GPRIN3: variants seen among roughly 807,000 people sequenced by gnomAD.
GPRIN3 encodes the protein GPRIN family member 3.
GPRIN3 carries 12 observed loss-of-function variants against 13.7 expected under a neutral mutation model. The ratio of observed to expected loss-of-function variants is 0.87; its 90% CI spans 0.56 to 1.42. GPRIN3 has a LOEUF of 1.42. Among genes scored for constraint, GPRIN3 ranks in the 40% most tolerant of loss-of-function variants. The pLI is 0.00. For synonymous variants in GPRIN3, 377 were observed against 372.7 expected (o/e 1.01, Z -0.13); for missense variants, 1,009 against 958.7 (o/e 1.05, Z -0.69).
At chr4:89,269,867 T>C (rs1412538571) in intron 1 of GPRIN3, among the ~76,000 whole-genome samples, 3 of 152,202 alleles carry the variant, frequency 2.0e-5, no homozygotes, top group Non-Finnish European at 4.4e-5. Flanking sequence ...ACAACGGGGT[T>C]CCATCACACT....
intron 1 of GPRIN3, among the ~76,000 whole-genome samples, chr4:89,258,818 C>T (rs1723551725): frequency 6.6e-6 from 1 of 152,212 alleles, no homozygotes; most frequent in African/African-American, 2.4e-5. Context: ...TGAGCCCTGT[C>T]ACTAGCAGCC....
At position 89,250,291 on chromosome 4, in the gene GPRIN3, A is replaced by C. The variant is rs1423055954; in HGVS notation, c.-123-58T>G. ...GTACGTCGCTTAAGGATTGAAAAAT[A>C]AACCAAACTGTCGTTTTTATAAGAG... On this transcript the variant is annotated intron_variant, in intron 1 of 1. Coordinates refer to ENST00000609438, the MANE Select transcript of GPRIN3 (RefSeq NM_198281.3). 5.6e-6 allele frequency: 7 copies of C among 1,245,378 alleles called. 1 individual carries two copies. The African/African-American group carries it at 9.1e-5, about 16-fold the overall frequency. 77.1% of individuals were successfully genotyped at this position (1,245,378 alleles called of 1,614,324 possible). A position where few individuals can be genotyped will look rare whatever the true frequency, so the allele number is the denominator to read the frequency against.
chr4:89,305,899 T>C (rs1409214079), intron 1 of GPRIN3, among the ~76,000 whole-genome samples: 1 of 152,194 alleles, frequency 6.6e-6, no homozygotes, highest in Non-Finnish European at 1.5e-5. Context: ...GCTGATGCAC[T>C]TGTGATTTTG....
At chr4:89,299,971 A>G (rs534563581) in intron 1 of GPRIN3, among the ~76,000 whole-genome samples, 2 of 152,250 alleles carry the variant, frequency 1.3e-5, no homozygotes, top group East Asian at 1.9e-4. Flanking sequence ...AACTGCTAAT[A>G]TTTTTCATTT....
chr4:89,281,001 C>T (rs1432524141), intron 1 of GPRIN3, among the ~76,000 whole-genome samples: 1 of 152,046 alleles, frequency 6.6e-6, no homozygotes, highest in African/African-American at 2.4e-5. Context: ...GTGGTGCTGG[C>T]ATCCGCTATG....
intron 1 of GPRIN3, among the ~76,000 whole-genome samples, chr4:89,288,404 C>T (rs1305899623): frequency 6.6e-6 from 1 of 152,160 alleles, no homozygotes. Context: ...CCAATATTCT[C>T]TTCAACTTTT....
rs1008534441 is a variant in GPRIN3, at chr4:89,282,583, AT to A, written c.-124+25031del. Reference sequence around the variant, plus strand: ...TGTAAACTTTCTTAAAACATATGTGATTTTTTTGCAATTTTTTTTTTTTTTT... The same window carrying A: ...TGTAAACTTTCTTAAAACATATGTGATTTTTTGCAATTTTTTTTTTTTTTT... On this transcript the variant is annotated intron_variant, in intron 1 of 1. Coordinates refer to ENST00000609438, the MANE Select transcript of GPRIN3 (RefSeq NM_198281.3). Among the ~76,000 whole-genome samples, 17 of 141,436 alleles carry A rather than the reference AT, an allele frequency of 1.2e-4. 1 individual carries two copies. In the Middle Eastern group the frequency reaches 0.011, roughly 89 times the overall value. 92.8% of individuals were successfully genotyped at this position (141,436 alleles called of 152,430 possible). A position where few individuals can be genotyped will look rare whatever the true frequency, so the allele number is the denominator to read the frequency against.
At chr4:89,270,571 A>ATATATATTTATATATGTATATAATT (rs1561205430) in intron 1 of GPRIN3, among the ~76,000 whole-genome samples, 135 of 93,566 alleles carry the variant, frequency 1.4e-3, no homozygotes, top group African/African-American at 8.5e-3. Flanking sequence ...TAATTTATAT[A>ATATATATTTATATATGTATATAATT]TATATATATA....
intron 1 of GPRIN3, among the ~76,000 whole-genome samples, chr4:89,262,934 T>A (rs1578085802): frequency 6.6e-6 from 1 of 152,292 alleles, no homozygotes; most frequent in East Asian, 1.9e-4. Flanking sequence ...CGAAATTAAG[T>A]CAAAACATCA....
At chr4:89,306,317 C>T (rs558931875) in intron 1 of GPRIN3, among the ~76,000 whole-genome samples, 2 of 152,232 alleles carry the variant, frequency 1.3e-5, no homozygotes, top group African/African-American at 4.8e-5. Context: ...TAAGCACATT[C>T]GGGCGAAGTA....
At chr4:89,277,542 C>A (rs1379825560) in intron 1 of GPRIN3, among the ~76,000 whole-genome samples, 1 of 152,208 alleles carries the variant, frequency 6.6e-6, no homozygotes, top group East Asian at 1.9e-4. Flanking sequence ...TACTTGTCTG[C>A]AACAAGGAGA....
intron 1 of GPRIN3, among the ~76,000 whole-genome samples, chr4:89,302,917 A>C (rs562291546): frequency 9.1e-4 from 138 of 152,206 alleles, no homozygotes; most frequent in Non-Finnish European, 1.2e-3. Flanking sequence ...CAACTAATTC[A>C]AGCAGATGAA....
In GPRIN3 at chr4:89,242,246, T is replaced by C. The variant is rs950304744; in HGVS notation, c.*5534A>G. ...TTAGAAGTGCCCATCTGGAGCATCG[T>C]TTTCTGTAAGGCATCATTTGAAGCC... On this transcript the variant is annotated 3_prime_UTR_variant, in exon 2 of 2. Coordinates refer to ENST00000609438, the MANE Select transcript of GPRIN3 (RefSeq NM_198281.3). The C allele has an allele frequency of 6.6e-6, 1 of 152,176 alleles. No individual in the cohort carries two copies. The highest frequency in any genetic ancestry group is 2.4e-5 in the African/African-American group (1 of 41,450). 9.4% of individuals were successfully genotyped at this position (152,176 alleles called of 1,614,324 possible).
At position 89,244,238 on chromosome 4, in the gene GPRIN3, G is replaced by T. The variant is rs1723024570; in HGVS notation, c.*3542C>A. 1 of 151,970 alleles carries T rather than the reference G, an allele frequency of 6.6e-6. No homozygotes were observed. The highest frequency in any genetic ancestry group is 1.5e-5 in the Non-Finnish European group (1 of 67,968). 9.4% of individuals were successfully genotyped at this position (151,970 alleles called of 1,614,324 possible). On this transcript the variant is annotated 3_prime_UTR_variant, in exon 2 of 2. Coordinates refer to ENST00000609438, the MANE Select transcript of GPRIN3 (RefSeq NM_198281.3). Reference sequence around the variant, plus strand: ...GACAGCAAGCTCCTATTATGAATTTGGTTCTGAAATCCAACCTCTAAGGTA... The same window carrying T: ...GACAGCAAGCTCCTATTATGAATTTTGTTCTGAAATCCAACCTCTAAGGTA...
In GPRIN3 at chr4:89,248,755, A is replaced by T; in HGVS notation, c.1356T>A (p.Ala452=). 1 of 1,614,156 alleles carries T rather than the reference A, an allele frequency of 6.2e-7. No homozygotes were observed. The highest frequency in any genetic ancestry group is 1.1e-5 in the South Asian group (1 of 91,084). Residue 452 remains alanine (A), a synonymous_variant, in exon 2 of 2, where the codon GCT becomes GCA. Coordinates refer to ENST00000609438, the MANE Select transcript of GPRIN3 (RefSeq NM_198281.3). ...GMTPVREEST[A]KKLAGTNSSS... is the part of the protein sequence containing the mutation. ...TAGAATTAGTACCTGCGAGCTTTTT[A>T]GCAGTTGACTCTTCCCTCACTGGAG...
At chr4:89,291,830 C>CTTTT (rs33981386) in intron 1 of GPRIN3, among the ~76,000 whole-genome samples, 60 of 115,856 alleles carry the variant, frequency 5.2e-4, no homozygotes, top group African/African-American at 1.6e-3. Flanking sequence ...ACTGTCAGGG[C>CTTTT]TTTTTTTTTT....
chr4:89,292,957 T>C (rs1019875), intron 1 of GPRIN3, among the ~76,000 whole-genome samples: 113,970 of 152,132 alleles, frequency 0.75, 43,372 homozygotes, highest in Non-Finnish European at 0.83. Context: ...TTTTATATTG[T>C]AGGATGATGC....
chr4:89,286,097 AT>A (rs1724406849), intron 1 of GPRIN3, among the ~76,000 whole-genome samples: 1 of 147,930 alleles, frequency 6.8e-6, no homozygotes, highest in Non-Finnish European at 1.5e-5. Flanking sequence ...GTGTGTATAT[AT>A]ATATATATAT....
chr4:89,293,047 C>T (rs907153567), intron 1 of GPRIN3, among the ~76,000 whole-genome samples: 1 of 152,112 alleles, frequency 6.6e-6, no homozygotes, highest in African/African-American at 2.4e-5. Flanking sequence ...TCTTCTGAAA[C>T]TTCAGTTTTT....
Sources: allele counts gnomAD v4.1 joint callset (sites outside exome capture counted in the v4.1 genomes callset), GRCh38; gene constraint gnomAD v4.1.1; transcripts MANE v1.5; gene names NCBI Gene and HGNC (gene_info 2026-07-23, HGNC 2026-07-21).